EHMT1: variants seen among roughly 807,000 people sequenced by gnomAD.
EHMT1 encodes the protein euchromatic histone lysine methyltransferase 1, also known as histone-lysine N-methyltransferase EHMT1.
In EHMT1, 15 loss-of-function variants were observed where a neutral mutation model predicts 147.2. That is an observed-to-expected ratio of 0.10 (90% confidence interval 0.07 to 0.16). The LOEUF is 0.16. Ranked by LOEUF, EHMT1 falls within the 10% of genes least tolerant of loss-of-function variation. EHMT1 has a pLI of 1.00. For synonymous variants in EHMT1, 795 were observed against 709.6 expected, an observed-to-expected ratio of 1.12 and a Z score of -1.91; for missense variants, 1,587 against 1,772.4, an observed-to-expected ratio of 0.90 and a Z score of 1.88.
chr9:137,681,932 G>A lies in EHMT1; in HGVS notation c.22-29035G>A, dbSNP rs868563961. Among the ~76,000 whole-genome samples the A allele has an allele frequency of 3.3e-5, 5 of 152,100 alleles. No individual in the cohort carries two copies. The Middle Eastern group carries it at 0.01, about 310-fold the overall frequency. On this transcript the variant is annotated intron_variant, in intron 1 of 26. Coordinates refer to ENST00000460843, the MANE Select transcript of EHMT1 (RefSeq NM_024757.5). ...CTCTCCTCACAGTGAAACCGTCCTC[G>A]CGGTTTTTGTGTTTTTTTGTTTGTT...
Position 137,697,910 on chromosome 9 carries a change from A to G in EHMT1, c.22-13057A>G, listed in dbSNP as rs1457126078. 2.6e-5 allele frequency among the ~76,000 whole-genome samples: 4 copies of G among 152,300 alleles called. No individual in the cohort carries two copies. The East Asian group carries it at 5.8e-4, about 22-fold the overall frequency. ...AAAATGTGATTGCATATTCTGGTCCAAAGGGAGGATGGCACTGTTGTGAGG... is the reference window on the plus strand; with the variant it reads ...AAAATGTGATTGCATATTCTGGTCCGAAGGGAGGATGGCACTGTTGTGAGG... On this transcript the variant is annotated intron_variant, in intron 1 of 26. Coordinates refer to ENST00000460843, the MANE Select transcript of EHMT1 (RefSeq NM_024757.5).
chr9:137,627,552 G>A (rs1465481839), intron 1 of EHMT1, among the ~76,000 whole-genome samples: 3 of 142,946 alleles, frequency 2.1e-5, no homozygotes, highest in Non-Finnish European at 1.5e-5. Context: ...GGCGTGAGCC[G>A]CTGCGCCCGT....
At chr9:137,632,241 A>T (rs947082875) in intron 1 of EHMT1, among the ~76,000 whole-genome samples, 2 of 152,176 alleles carry the variant, frequency 1.3e-5, no homozygotes, top group Non-Finnish European at 2.9e-5. Context: ...TAGCTGGTAT[A>T]TGTTAGAGCT....
At chr9:137,668,832 T>C (rs1940032086) in intron 1 of EHMT1, among the ~76,000 whole-genome samples, 1 of 152,216 alleles carries the variant, frequency 6.6e-6, no homozygotes, top group Non-Finnish European at 1.5e-5. Flanking sequence ...ATCCCGGGAA[T>C]GGGATAACTG....
chr9:137,782,926 C>G lies in EHMT1; in HGVS notation c.2382+529C>G, dbSNP rs998861740. 2.0e-5 allele frequency among the ~76,000 whole-genome samples: 3 copies of G among 152,244 alleles called. No individual in the cohort carries two copies. The highest frequency in any genetic ancestry group is 4.4e-5 in the Non-Finnish European group (3 of 68,044). ...CCGCTTGTCTCTGGGTTCAGACACA[C>G]GACGCTGTTTGTCCCCCTGTGACGC... On this transcript the variant is annotated intron_variant, in intron 15 of 26. Transcript: ENST00000460843. This position sits in a 1 kb window ranked among gnomAD's most constrained non-coding sequence, Gnocchi z 5.7.
intron 1 of EHMT1, among the ~76,000 whole-genome samples, chr9:137,629,903 A>T (rs1843516575): frequency 6.6e-6 from 1 of 152,200 alleles, no homozygotes; most frequent in Non-Finnish European, 1.5e-5. Context: ...TCCAGGACTG[A>T]GAATTCTCCT....
chr9:137,687,210 C>G (rs1942531373), intron 1 of EHMT1, among the ~76,000 whole-genome samples: 1 of 152,222 alleles, frequency 6.6e-6, no homozygotes. Flanking sequence ...CAGTAACACA[C>G]TGTCCTGATT....
intron 12 of EHMT1, 25 bp from the exon 13 acceptor site, chr9:137,777,857 C>T (rs771766714): frequency 2.5e-6 from 4 of 1,611,454 alleles, no homozygotes; most frequent in Non-Finnish European, 3.4e-6. Context: ...TTTCATAAAC[C>T]TTTCCCCGAT....
intron 15 of EHMT1, 41 bp from the exon 16 acceptor site, chr9:137,790,807 C>T (rs183048712): frequency 1.4e-5 from 23 of 1,614,088 alleles, no homozygotes; most frequent in Middle Eastern, 1.7e-4. Flanking sequence ...CGGTGGCTAC[C>T]GTCACAGCCC....
rs866349931 is a variant in EHMT1, at chr9:137,787,925, G to A, written c.2383-2923G>A. The A allele has an allele frequency of 6.0e-6, 9 of 1,491,008 alleles. No individual in the cohort carries two copies. The East Asian group carries it at 1.8e-4, about 30-fold the overall frequency. The allele number at this position is 1,491,008 out of a possible 1,614,324, so 92.4% of individuals were successfully genotyped here. Reference sequence around the variant, plus strand: ...GAGTGTAGATTGGCAAGTAGGAGGTGGGCAGCTGCCCCCAGAGGGAGGCCC... The same window carrying A: ...GAGTGTAGATTGGCAAGTAGGAGGTAGGCAGCTGCCCCCAGAGGGAGGCCC... On this transcript the variant is annotated intron_variant, in intron 15 of 26. Transcript: ENST00000460843. The surrounding 1 kb of genome is among the most constrained non-coding windows in gnomAD (Gnocchi z 4.2).
At chr9:137,677,172 C>G (rs990778284) in intron 1 of EHMT1, among the ~76,000 whole-genome samples, 2 of 151,770 alleles carry the variant, frequency 1.3e-5, no homozygotes, top group African/African-American at 2.4e-5. Context: ...TTCGCTCTGT[C>G]GCCCAGGCTG....
chr9:137,807,134 C>T (rs1954016130), intron 18 of EHMT1, among the ~76,000 whole-genome samples: 2 of 152,162 alleles, frequency 1.3e-5, no homozygotes, highest in African/African-American at 4.8e-5. Context: ...GTCATTATTT[C>T]TTCAAATAAT....
intron 18 of EHMT1, among the ~76,000 whole-genome samples, chr9:137,807,113 G>A (rs1588823245): frequency 6.6e-6 from 1 of 152,252 alleles, no homozygotes; most frequent in East Asian, 1.9e-4. Flanking sequence ...GACAAATTTG[G>A]AAATTTTTCA....
At chr9:137,809,525 G>T (rs1954240343) in intron 18 of EHMT1, among the ~76,000 whole-genome samples, 1 of 152,318 alleles carries the variant, frequency 6.6e-6, no homozygotes, top group South Asian at 2.1e-4. Flanking sequence ...CTCAGCCGCC[G>T]CAGCAAAGCG....
chr9:137,665,665 A>G (rs774148461), intron 1 of EHMT1, among the ~76,000 whole-genome samples: 1 of 152,204 alleles, frequency 6.6e-6, no homozygotes, highest in African/African-American at 2.4e-5. Flanking sequence ...GAGAGGCCCT[A>G]CGAGCAGTGA....
chr9:137,695,299 T>G (rs1296238188), intron 1 of EHMT1, among the ~76,000 whole-genome samples: 1 of 152,178 alleles, frequency 6.6e-6, no homozygotes, highest in African/African-American at 2.4e-5. Context: ...TGGTGGCAGG[T>G]GAGCCCCAGA....
At chr9:137,833,764 A>G (rs1315995050) in intron 25 of EHMT1, among the ~76,000 whole-genome samples, 2 of 152,184 alleles carry the variant, frequency 1.3e-5, no homozygotes, top group Admixed American at 6.5e-5. Context: ...CTCGTGTTCC[A>G]CAGTCACATC....
At chr9:137,691,651 C>G (rs1277888166) in intron 1 of EHMT1, among the ~76,000 whole-genome samples, 1 of 152,142 alleles carries the variant, frequency 6.6e-6, no homozygotes, top group Non-Finnish European at 1.5e-5. Flanking sequence ...TATGGTAATT[C>G]TATTTTTGAT....
At position 137,691,293 on chromosome 9, in the gene EHMT1, A is replaced by G. The variant is rs149024472; in HGVS notation, c.22-19674A>G. ...TGAATTTCCTTCCTTTTTAAGGCTG[A>G]ATAGTATATATGTAATTATATATAT... On this transcript the variant is annotated intron_variant, in intron 1 of 26. Coordinates refer to ENST00000460843, the MANE Select transcript of EHMT1 (RefSeq NM_024757.5). Among the ~76,000 whole-genome samples the G allele has an allele frequency of 3.0e-3, 443 of 149,888 alleles. 6 individuals are homozygous for G. Among genetic ancestry groups the G allele is most frequent in the East Asian group, 4.1e-3 (21 of 5,158 alleles).
Sources: gnomAD v4.1 joint callset for allele counts (sites outside exome capture counted in the v4.1 genomes callset) on GRCh38, gnomAD v4.1.1 for gene constraint, Gnocchi (gnomAD v3.1) non-coding constraint, MANE v1.5 for transcripts, NCBI Gene and HGNC (gene_info 2026-07-23, HGNC 2026-07-21) for gene names.